USH2A: variants seen among roughly 807,000 people sequenced by gnomAD.
The protein encoded by USH2A is Usher syndrome 2A (autosomal recessive, mild).
A neutral mutation model predicts 538.9 loss-of-function variants in USH2A; 443 were observed. The ratio of observed to expected loss-of-function variants is 0.82; its 90% CI spans 0.76 to 0.89. The LOEUF (loss-of-function observed/expected upper bound fraction) is 0.89, where lower values mean the gene tolerates loss of function less well. USH2A is among the 40% of genes least tolerant of loss of function. USH2A has a pLI of 0.00. For missense variants in USH2A, 6,633 were observed against 6,324.8 expected (o/e 1.05, Z -1.65); for synonymous variants, 2,413 against 2,273.5 (o/e 1.06, Z -1.75).
At position 216,413,402 on chromosome 1, in the gene USH2A, A is replaced by G. The variant is rs144015189; in HGVS notation, c.651+5112T>C. Among the ~76,000 whole-genome samples, 376 of 152,174 alleles carry G rather than the reference A, an allele frequency of 2.5e-3. 1 individual carries two copies. Among genetic ancestry groups the G allele is most frequent in the African/African-American group, 8.5e-3 (353 of 41,554 alleles). ...TCCCTCAATCAATAGGAACATGGAA[A>G]CACCTTTATAAAGTGTGCACATGGG... On this transcript the variant is annotated intron_variant, in intron 3 of 71. Transcript: ENST00000307340.
chr1:216,292,520 A>G (rs112466153), intron 9 of USH2A, 150 bp from the exon 10 acceptor site: 6 of 869,874 alleles, frequency 6.9e-6, no homozygotes. Flanking sequence ...TTCGTAAGTC[A>G]GAAATAGCAT....
intron 40 of USH2A, among the ~76,000 whole-genome samples, chr1:215,889,691 T>C (rs1665160573): frequency 6.6e-6 from 1 of 152,068 alleles, no homozygotes; most frequent in African/African-American, 2.4e-5. Context: ...GGTTAACAGG[T>C]TTTATGCTTG....
chr1:215,738,895 T>C (rs1019731145), intron 60 of USH2A, among the ~76,000 whole-genome samples: 1 of 152,214 alleles, frequency 6.6e-6, no homozygotes, highest in African/African-American at 2.4e-5. Context: ...TAAAGGGCTC[T>C]ATGTAGTCTC....
chr1:215,845,112 T>C (rs928934468), intron 45 of USH2A, among the ~76,000 whole-genome samples: 3 of 152,168 alleles, frequency 2.0e-5, no homozygotes, highest in African/African-American at 7.2e-5. Flanking sequence ...CAAAGACCTA[T>C]TTTTATCATA....
intron 30 of USH2A, among the ~76,000 whole-genome samples, chr1:216,067,768 G>C (rs989745722): frequency 2.6e-5 from 4 of 152,102 alleles, no homozygotes; most frequent in Non-Finnish European, 5.9e-5. Flanking sequence ...TAGAAGGTGA[G>C]AGACATCCAG....
intron 50 of USH2A, among the ~76,000 whole-genome samples, chr1:215,794,341 G>T (rs1662063199): frequency 6.6e-6 from 1 of 152,256 alleles, no homozygotes; most frequent in South Asian, 2.1e-4. Context: ...AGTACATAAA[G>T]AGATGTTTTA....
intron 11 of USH2A, among the ~76,000 whole-genome samples, chr1:216,281,713 G>T (rs1000761230): frequency 6.6e-6 from 1 of 152,074 alleles, no homozygotes; most frequent in African/African-American, 2.4e-5. Flanking sequence ...ATACAGAGGA[G>T]TGAAACTTCT....
chr1:215,836,968 T>C (rs1283723992), intron 47 of USH2A, among the ~76,000 whole-genome samples: 2 of 151,634 alleles, frequency 1.3e-5, no homozygotes, highest in African/African-American at 4.8e-5. Flanking sequence ...TGTGAATAGG[T>C]TGGGGGATAT....
chr1:215,993,204 G>A (rs1233664066), intron 34 of USH2A, 37 bp from the exon 35 acceptor site: 1 of 1,613,708 alleles, frequency 6.2e-7, no homozygotes, highest in Non-Finnish European at 8.5e-7. Flanking sequence ...TTCACTCTTG[G>A]TCCCAAAAGT....
At chr1:216,113,406 T>C (rs2032923185) in intron 21 of USH2A, among the ~76,000 whole-genome samples, 1 of 152,146 alleles carries the variant, frequency 6.6e-6, no homozygotes, top group Admixed American at 6.6e-5. Context: ...TTCCATATGT[T>C]ATAAATAGTT....
intron 38 of USH2A, among the ~76,000 whole-genome samples, chr1:215,926,933 G>T (rs1666253412): frequency 6.6e-6 from 1 of 151,876 alleles, no homozygotes; most frequent in Non-Finnish European, 1.5e-5. Context: ...TATCTGACTT[G>T]CCAGATTAAT....
At chr1:216,304,526 AC>A (rs2037276550) in intron 9 of USH2A, among the ~76,000 whole-genome samples, 1 of 151,816 alleles carries the variant, frequency 6.6e-6, no homozygotes, top group South Asian at 2.1e-4. Flanking sequence ...ATCTCAGCAT[AC>A]TTTTTTTAAT....
chr1:216,384,007 T>G (rs995417731), intron 3 of USH2A, among the ~76,000 whole-genome samples: 1 of 151,738 alleles, frequency 6.6e-6, no homozygotes, highest in Non-Finnish European at 1.5e-5. Flanking sequence ...AGCCTACATA[T>G]AAATTTTTAA....
chr1:215,867,121 T>G lies in USH2A; in HGVS notation c.8731A>C (p.Thr2911Pro). 6.2e-7 allele frequency: 1 copy of G among 1,614,164 alleles called. No individual in the cohort carries two copies. The highest frequency in any genetic ancestry group is 1.6e-4 in the Middle Eastern group (1 of 6,062). Reference protein sequence around the residue: ...MLFVHNSVGFTPSREVTVTTL... With the variant: ...MLFVHNSVGFPPSREVTVTTL... ...GTCACAGTCACTTCTCGGCTCGGTG[T>G]AAAACCCACACTGTTGTGTACGAAG... The change falls in exon 44 of 72, where the codon ACA becomes CCA. Residue 2911 changes from threonine to proline, a missense_variant. Thr to Pro is a conservative substitution (Grantham distance 38, BLOSUM62 -1). Coordinates refer to ENST00000307340, the MANE Select transcript of USH2A (RefSeq NM_206933.4).
rs1186262390 is a variant in USH2A, at chr1:216,422,444, G to A, written c.-108C>T. On this transcript the variant is annotated 5_prime_UTR_variant, in exon 2 of 72. Transcript: ENST00000307340. ...AGCAGGGTACTTTAAGTGATGTTGCGATACTCCATTTTCTGGAAACTGCAG... is the reference window on the plus strand; with the variant it reads ...AGCAGGGTACTTTAAGTGATGTTGCAATACTCCATTTTCTGGAAACTGCAG... 18 of 1,512,796 alleles carry A rather than the reference G, an allele frequency of 1.2e-5. No homozygotes were observed. The highest frequency in any genetic ancestry group is 7.0e-5 in the South Asian group (6 of 85,156). 93.7% of individuals were successfully genotyped at this position (1,512,796 alleles called of 1,614,324 possible).
intron 15 of USH2A, among the ~76,000 whole-genome samples, chr1:216,208,966 T>G (rs565688526): frequency 2.0e-5 from 3 of 152,152 alleles, no homozygotes; most frequent in Non-Finnish European, 4.4e-5. Flanking sequence ...TTACCCAAAT[T>G]TAAGACCCCC....
chr1:216,089,099 T>C lies in USH2A; in HGVS notation c.4799A>G (p.Lys1600Arg). ...ATGCCATTTTCCATCACTATATTGT[T>C]TGCCATGATCATTAGTTGTAGTTAC... The part of the protein sequence containing the change: ...VEVTTTNDHG[K>R]QYSDGKWHEI... The change falls in exon 23 of 72, where the codon AAA (lysine) becomes AGA (arginine). Residue 1600 changes from lysine to arginine, a missense_variant. Physicochemically the swap from Lys to Arg is conservative, Grantham distance 26. Transcript: ENST00000307340. 3 of 1,613,444 alleles carry C rather than the reference T, an allele frequency of 1.9e-6. No homozygotes were observed. Among genetic ancestry groups the C allele is most frequent in the Non-Finnish European group, 2.5e-6 (3 of 1,179,556 alleles).
In USH2A at chr1:215,648,721, C is replaced by T; in HGVS notation, c.14389G>A (p.Ala4797Thr). The change falls in exon 66 of 72, where the codon GCC (alanine) becomes ACC (threonine). Residue 4797 changes from alanine (A) to threonine (T), a missense_variant. Ala to Thr is a moderately conservative substitution (Grantham distance 58). Transcript: ENST00000307340. ...ACTCCAATAGAGTAGTTAGTGAAGG[C>T]TTGAAGGCCATGGAGAGTCTGCTGG... ...ATQQTLHGLQ[A>T]FTNYSIGVEA... The T allele has an allele frequency of 1.2e-6, 2 of 1,614,140 alleles. No individual in the cohort carries two copies. The highest frequency in any genetic ancestry group is 1.7e-6 in the Non-Finnish European group (2 of 1,180,020).
chr1:216,088,659 G>T (rs984503209), intron 23 of USH2A, among the ~76,000 whole-genome samples: 3 of 152,110 alleles, frequency 2.0e-5, no homozygotes, highest in Non-Finnish European at 1.5e-5. Flanking sequence ...CTCAGCCTTG[G>T]TTTCCTCATC....
Sources: allele counts gnomAD v4.1 joint callset (sites outside exome capture counted in the v4.1 genomes callset), GRCh38; gene constraint gnomAD v4.1.1; transcripts MANE v1.5; gene names NCBI Gene and HGNC (gene_info 2026-07-23, HGNC 2026-07-21).